AGAP3: variants seen among roughly 807,000 people sequenced by gnomAD.
AGAP3 encodes the protein ArfGAP with GTPase domain, ankyrin repeat and PH domain 3, also known as arf-GAP with GTPase, ANK repeat and PH domain-containing protein 3.
In AGAP3, 24 loss-of-function variants were observed where a neutral mutation model predicts 96.9. The ratio of observed to expected loss-of-function variants is 0.25; its 90% CI spans 0.18 to 0.35. The LOEUF (loss-of-function observed/expected upper bound fraction) is 0.35, where lower values mean the gene tolerates loss of function less well. AGAP3 is among the 10% of genes least tolerant of loss of function. The pLI is 1.00. For synonymous variants in AGAP3, 563 were observed against 536.1 expected, an observed-to-expected ratio of 1.05 and a Z score of -0.69; for missense variants, 876 against 1,254.2, an observed-to-expected ratio of 0.70 and a Z score of 4.55.
chr7:151,128,175 G>A (rs1800256498), intron 9 of AGAP3, among the ~76,000 whole-genome samples: 1 of 151,696 alleles, frequency 6.6e-6, no homozygotes, highest in Non-Finnish European at 1.5e-5. Flanking sequence ...GCCTCCTGGG[G>A]AGGAGCATCA....
At position 151,123,831 on chromosome 7, in the gene AGAP3, C is replaced by A. The variant is rs764258084; in HGVS notation, c.1166C>A (p.Ala389Asp). 1 of 1,612,676 alleles carries A rather than the reference C, an allele frequency of 6.2e-7. No individual in the cohort carries two copies. The highest frequency in any genetic ancestry group is 1.1e-5 in the South Asian group (1 of 91,082). Residue 389 changes from alanine (A) to aspartate (D), a missense_variant, in exon 9 of 18, where the codon GCT becomes GAT. Ala to Asp is a moderately radical substitution (Grantham distance 126, BLOSUM62 -2). Coordinates refer to ENST00000397238, the MANE Select transcript of AGAP3 (RefSeq NM_031946.7). The part of the protein sequence containing the change: ...KGADLDREKK[A>D]AECKVDSIGS... Reference sequence around the variant, plus strand: ...GCTGACCTGGACCGGGAGAAGAAGGCTGCCGAGTGCAAGGTGGACAGCATC... The same window carrying A: ...GCTGACCTGGACCGGGAGAAGAAGGATGCCGAGTGCAAGGTGGACAGCATC...
rs1351285232 is a variant in AGAP3, at chr7:151,114,932, G to A, written c.332-1861G>A. On this transcript the variant is annotated intron_variant, in intron 1 of 17. Coordinates refer to ENST00000397238, the MANE Select transcript of AGAP3 (RefSeq NM_031946.7). This position sits in a 1 kb window ranked among gnomAD's most constrained non-coding sequence, Gnocchi z 4.4. ...CCCTCTGCGCCGCCAGTGAGCAGCCGGCGCGGCCGCGGAGCGTGTGCTCGG... is the reference window on the plus strand; with the variant it reads ...CCCTCTGCGCCGCCAGTGAGCAGCCAGCGCGGCCGCGGAGCGTGTGCTCGG... The A allele has an allele frequency of 1.0e-6, 1 of 986,314 alleles. No homozygotes were observed. The allele number at this position is 986,314 out of a possible 1,614,324, so 61.1% of individuals were successfully genotyped here.
chr7:151,134,031 T>C (rs997002459), intron 10 of AGAP3, among the ~76,000 whole-genome samples: 1 of 152,134 alleles, frequency 6.6e-6, no homozygotes, highest in African/African-American at 2.4e-5. Context: ...TCCCCGAGTG[T>C]CTCCGCTCCC....
At chr7:151,124,018 G>C in intron 9 of AGAP3, 132 bp downstream of exon 9, 2 of 932,216 alleles carry the variant, frequency 2.1e-6, no homozygotes, top group Non-Finnish European at 1.6e-6. Flanking sequence ...CTCCTAGGCG[G>C]AGTCCTTAAC....
rs546085890 is a variant in AGAP3, at chr7:151,108,579, G to T, written c.332-8214G>T. 6.6e-6 allele frequency among the ~76,000 whole-genome samples: 1 copy of T among 152,208 alleles called. No homozygotes were observed. The highest frequency in any genetic ancestry group is 2.4e-5 in the African/African-American group (1 of 41,456). On this transcript the variant is annotated intron_variant, in intron 1 of 17. Coordinates refer to ENST00000397238, the MANE Select transcript of AGAP3 (RefSeq NM_031946.7). The surrounding 1 kb of genome is among the most constrained non-coding windows in gnomAD (Gnocchi z 4.2). ...ATCCCCGGGCCTCAGAGCAGCCTTC[G>T]GAGGGTCCCAAGGATGTAGGCTGGG...
intron 8 of AGAP3, chr7:151,120,860 G>A (rs985976159): frequency 1.4e-5 from 16 of 1,148,174 alleles, no homozygotes; most frequent in Non-Finnish European, 1.7e-5. Flanking sequence ...CAGGCCCCAG[G>A]GCCTGCTGTC....
intron 1 of AGAP3, among the ~76,000 whole-genome samples, chr7:151,101,909 C>T (rs1360761061): frequency 6.6e-6 from 1 of 152,134 alleles, no homozygotes; most frequent in African/African-American, 2.4e-5. Flanking sequence ...GTGAGGGGAG[C>T]CATGCGGGGG....
Position 151,102,346 on chromosome 7 carries a change from G to A in AGAP3, c.332-14447G>A, listed in dbSNP as rs891191360. ...TAGTATGTTTTCAAACTACTCAAAC[G>A]CGCCACCCCACACTCCAGCACTTTG... On this transcript the variant is annotated intron_variant, in intron 1 of 17. Coordinates refer to ENST00000397238, the MANE Select transcript of AGAP3 (RefSeq NM_031946.7). 2.1e-4 allele frequency among the ~76,000 whole-genome samples: 32 copies of A among 152,236 alleles called. 1 individual carries two copies. In the South Asian group the frequency reaches 2.3e-3, roughly 11 times the overall value.
At chr7:151,138,548 C>G (rs1800693711) in intron 12 of AGAP3, among the ~76,000 whole-genome samples, 1 of 152,224 alleles carries the variant, frequency 6.6e-6, no homozygotes, top group Non-Finnish European at 1.5e-5. Flanking sequence ...CCATGTGCAG[C>G]CCTTTTCCCC....
rs1030037077 is a variant in AGAP3, at chr7:151,096,844, T to C, written c.331+9772T>C. ...CCCAGGCTGGAGTGTAGTGGTATGATCTCAGCTCACTGCAACCTCTGCCTC... is the reference window on the plus strand; with the variant it reads ...CCCAGGCTGGAGTGTAGTGGTATGACCTCAGCTCACTGCAACCTCTGCCTC... On this transcript the variant is annotated intron_variant, in intron 1 of 17. Transcript: ENST00000397238. The surrounding 1 kb of genome is among the most constrained non-coding windows in gnomAD (Gnocchi z 4.4). 6.6e-6 allele frequency among the ~76,000 whole-genome samples: 1 copy of C among 151,966 alleles called. No individual in the cohort carries two copies. The highest frequency in any genetic ancestry group is 1.9e-4 in the East Asian group (1 of 5,168).
At chr7:151,125,605 C>T (rs947774622) in intron 9 of AGAP3, among the ~76,000 whole-genome samples, 2 of 152,166 alleles carry the variant, frequency 1.3e-5, no homozygotes, top group African/African-American at 4.8e-5. Flanking sequence ...TCGCTAGGGG[C>T]GGGGCGCGTC....
chr7:151,120,596 CA>C, intron 8 of AGAP3: 1 of 1,289,126 alleles, frequency 7.8e-7, no homozygotes, highest in South Asian at 1.2e-5. Flanking sequence ...AGTCAGAGCC[CA>C]GGCCTCCCCG....
intron 9 of AGAP3, 94 bp from the exon 10 acceptor site, chr7:151,128,486 G>C (rs1384056239): frequency 4.9e-6 from 5 of 1,017,064 alleles, no homozygotes; most frequent in South Asian, 1.4e-5. Context: ...GAAGCGGGGA[G>C]GGGGGAGGGC....
Position 151,108,397 on chromosome 7 carries a change from C to T in AGAP3, c.332-8396C>T, listed in dbSNP as rs544272643. On this transcript the variant is annotated intron_variant, in intron 1 of 17. Coordinates refer to ENST00000397238, the MANE Select transcript of AGAP3 (RefSeq NM_031946.7). The surrounding 1 kb of genome is among the most constrained non-coding windows in gnomAD (Gnocchi z 4.2). ...CTGGGGTAATCTCAGTTTCCCTGCT[C>T]CTTGCACTGCTCTCGGTCCTGTGGC... Among the ~76,000 whole-genome samples, 1 of 152,314 alleles carries T rather than the reference C, an allele frequency of 6.6e-6. No homozygotes were observed. Among genetic ancestry groups the T allele is most frequent in the East Asian group, 1.9e-4 (1 of 5,174 alleles).
chr7:151,130,589 A>G (rs774971738), intron 10 of AGAP3, among the ~76,000 whole-genome samples: 10 of 152,116 alleles, frequency 6.6e-5, no homozygotes, highest in Admixed American at 2.0e-4. Context: ...CTGAGCCCCC[A>G]GGAGTGCCCC....
chr7:151,099,391 C>G (rs1798748549), intron 1 of AGAP3, among the ~76,000 whole-genome samples: 1 of 147,946 alleles, frequency 6.8e-6, no homozygotes, highest in Admixed American at 6.8e-5. Flanking sequence ...AGTCACATAA[C>G]AAATACTTCT....
At chr7:151,126,059 TGG>T (rs1443287613) in intron 9 of AGAP3, among the ~76,000 whole-genome samples, 1 of 5,832 alleles carries the variant, frequency 1.7e-4, no homozygotes, top group Non-Finnish European at 3.4e-4. Context: ...GGCGGGTGGG[TGG>T]GGTGGGGCGG....
chr7:151,127,540 G>C (rs1309151498), intron 9 of AGAP3, among the ~76,000 whole-genome samples: 1 of 152,172 alleles, frequency 6.6e-6, no homozygotes, highest in East Asian at 1.9e-4. Flanking sequence ...CCTCTTCTCA[G>C]CCCTCTTGAG....
At chr7:151,124,386 G>A (rs528066266) in intron 9 of AGAP3, among the ~76,000 whole-genome samples, 1 of 152,336 alleles carries the variant, frequency 6.6e-6, no homozygotes, top group East Asian at 1.9e-4. Flanking sequence ...GGGGCCCTGG[G>A]CCTGCCTTCT....
Sources: allele counts gnomAD v4.1 joint callset (sites outside exome capture counted in the v4.1 genomes callset), GRCh38; gene constraint gnomAD v4.1.1; non-coding constraint Gnocchi (gnomAD v3.1); transcripts MANE v1.5; gene names NCBI Gene and HGNC (gene_info 2026-07-23, HGNC 2026-07-21).